Variants in TRMT44 observed in about 807,000 individuals in gnomAD.
TRMT44 encodes the protein probable tRNA (uracil-O(2)-)-methyltransferase.
Under a neutral mutation model 77.3 loss-of-function variants are expected in TRMT44, and 78 were observed. That is an observed-to-expected ratio of 1.01 (90% CI 0.84 to 1.22). The LOEUF is 1.22. Among genes scored for constraint, TRMT44 ranks in the 50% most tolerant of loss-of-function variants. The pLI is 0.00. For missense variants in TRMT44, 1,090 were observed against 964.4 expected (o/e 1.13, Z -1.73); for synonymous variants, 391 against 383.3 (o/e 1.02, Z -0.23).
the TRMT44 span, chr4:8,509,617 A>T: frequency 6.5e-6 from 1 of 152,762 alleles, no homozygotes; most frequent in African/African-American, 2.4e-5. Flanking sequence ...GTTTGTCCCC[A>T]TTTCGCAGAT....
Position 8,469,837 on chromosome 4 carries a change from C to T in TRMT44, c.1928-1247C>T, listed in dbSNP as rs185748983. 3.4e-3 allele frequency among the ~76,000 whole-genome samples: 523 copies of T among 152,376 alleles called. 5 individuals carry two copies. The highest frequency in any genetic ancestry group is 3.1e-3 in the East Asian group (16 of 5,182). Reference sequence around the variant, plus strand: ...TGGTCGCCCCCACCCAGCCTGTCCTCAGGCAGGCACCTCTGCGTTTCTGTG... The same window carrying T: ...TGGTCGCCCCCACCCAGCCTGTCCTTAGGCAGGCACCTCTGCGTTTCTGTG... On this transcript the variant is annotated intron_variant, in intron 9 of 10. Coordinates refer to ENST00000389737, the MANE Select transcript of TRMT44 (RefSeq NM_152544.3).
intron 6 of TRMT44, among the ~76,000 whole-genome samples, chr4:8,457,149 G>T (rs1184623645): frequency 6.6e-6 from 1 of 152,032 alleles, no homozygotes. Flanking sequence ...ATGCCAAAAA[G>T]GAGAGAAGTA....
At chr4:8,442,650 T>G (rs992964237) in intron 1 of TRMT44, among the ~76,000 whole-genome samples, 5 of 152,250 alleles carry the variant, frequency 3.3e-5, no homozygotes, top group African/African-American at 9.6e-5. Context: ...GAATCTGTTC[T>G]CAGGCTCATT....
At chr4:8,460,885 T>G (rs551707052) in intron 6 of TRMT44, among the ~76,000 whole-genome samples, 1 of 152,122 alleles carries the variant, frequency 6.6e-6, no homozygotes, top group Non-Finnish European at 1.5e-5. Flanking sequence ...GGTCTCAATC[T>G]GTTGCCCAGG....
rs1312785099 is a variant in TRMT44 at position 8,440,855 on chromosome 4, C to A, written c.33C>A (p.Tyr11Ter). MAEVGRTGISYPGALLPQGFW... is the reference protein window; with the variant it reads MAEVGRTGIS ...AGGTGGGCCGTACCGGGATCAGCTA[C>A]CCAGGCGCGCTTCTCCCACAGGGCT... The change falls in exon 1 of 11, where the codon TAC becomes TAA. Residue 11 changes from tyrosine to a stop codon, truncating the protein, a stop_gained. Transcript: ENST00000389737. LOFTEE classifies it high-confidence loss of function. 6.6e-7 allele frequency: 1 copy of A among 1,516,620 alleles called. No homozygotes were observed. Among genetic ancestry groups the A allele is most frequent in the Non-Finnish European group, 8.8e-7 (1 of 1,138,794 alleles). 93.9% of individuals were successfully genotyped at this position (1,516,620 alleles called of 1,614,324 possible).
intron 10 of TRMT44, among the ~76,000 whole-genome samples, chr4:8,474,814 G>C (rs529061505): frequency 1.6e-4 from 25 of 152,186 alleles, no homozygotes; most frequent in Non-Finnish European, 3.2e-4. Context: ...GGGAGCGTAG[G>C]GGGGTATCTC....
intron 2 of TRMT44, among the ~76,000 whole-genome samples, chr4:8,489,773 C>T (rs73223263): frequency 0.024 from 3,582 of 152,236 alleles, 73 homozygotes; most frequent in African/African-American, 0.053. Flanking sequence ...CCACCACACC[C>T]GGCCTAGGCT....
chr4:8,441,012 G>T lies in TRMT44; in HGVS notation c.190G>T (p.Gly64Cys), dbSNP rs919901636. The T allele has an allele frequency of 6.6e-7, 1 of 1,514,494 alleles. No homozygotes were observed. Among genetic ancestry groups the T allele is most frequent in the African/African-American group, 1.4e-5 (1 of 72,084 alleles). The allele number at this position is 1,514,494 out of a possible 1,614,324, so 93.8% of individuals were successfully genotyped here. Reference sequence around the variant, plus strand: ...GGCCCGCGGCCCCGGGACTAGCGCAGGCTCGGAGCAGAAGGAGCGGGGTCC... The same window carrying T: ...GGCCCGCGGCCCCGGGACTAGCGCATGCTCGGAGCAGAAGGAGCGGGGTCC... ...AEARGPGTSA[G>C]SEQKERGPGP... Residue 64 changes from glycine (G) to cysteine (C), a missense_variant, in exon 1 of 11, where the codon GGC becomes TGC. Physicochemically the swap from Gly to Cys is radical, Grantham distance 159 (BLOSUM62 -3). Coordinates refer to ENST00000389737, the MANE Select transcript of TRMT44 (RefSeq NM_152544.3).
intron 10 of TRMT44, among the ~76,000 whole-genome samples, chr4:8,472,602 C>T (rs949796367): frequency 6.6e-6 from 1 of 152,214 alleles, no homozygotes; most frequent in African/African-American, 2.4e-5. Flanking sequence ...CCTTTGTGTG[C>T]CTGCCTGCTC....
chr4:8,516,789 AACAAAAC>A, the TRMT44 span, among the ~76,000 whole-genome samples: 1 of 152,196 alleles, frequency 6.6e-6, no homozygotes, highest in Non-Finnish European at 1.5e-5. Flanking sequence ...AAAAACAAAA[AACAAAAC>A]AACAAAAACA....
chr4:8,460,518 G>A (rs1202616856), intron 6 of TRMT44, among the ~76,000 whole-genome samples: 4 of 151,874 alleles, frequency 2.6e-5, no homozygotes, highest in Non-Finnish European at 4.4e-5. Flanking sequence ...TCAAAAATAA[G>A]TAGAAAAATA....
chr4:8,463,837 GCTCTTCC>G, intron 6 of TRMT44, 141 bp from the exon 7 acceptor site: 1 of 638,316 alleles, frequency 1.6e-6, no homozygotes, highest in Non-Finnish European at 2.7e-6. Flanking sequence ...TGACTTCCCC[GCTCTTCC>G]CCGCTCTTGG....
At chr4:8,447,698 T>C (rs1725148638) in intron 2 of TRMT44, among the ~76,000 whole-genome samples, 1 of 152,198 alleles carries the variant, frequency 6.6e-6, no homozygotes, top group Non-Finnish European at 1.5e-5. Context: ...CCCTGTAGCA[T>C]GAAGCCCTTT....
chr4:8,449,639 T>G (rs1419551980), intron 2 of TRMT44, 30 bp from the exon 3 acceptor site: 2 of 1,439,572 alleles, frequency 1.4e-6, no homozygotes, highest in Non-Finnish European at 1.9e-6. Context: ...AACATATCTG[T>G]GCTTATTCAT....
downstream of TRMT44, among the ~76,000 whole-genome samples, chr4:8,494,997 G>A (rs993987028): frequency 6.6e-6 from 1 of 152,070 alleles, no homozygotes; most frequent in African/African-American, 2.4e-5. Context: ...GGTGAACGGT[G>A]TGCTTTCACC....
chr4:8,509,450 G>T, the TRMT44 span: 1 of 152,722 alleles, frequency 6.5e-6, no homozygotes, highest in Non-Finnish European at 1.5e-5. Flanking sequence ...TGCGATTGGA[G>T]GTGCTTCCTA....
the TRMT44 span, among the ~76,000 whole-genome samples, chr4:8,500,384 C>T: frequency 1.3e-5 from 2 of 149,152 alleles, no homozygotes; most frequent in East Asian, 2.0e-4. Flanking sequence ...CGCAGCTACT[C>T]AGGAGGCTGA....
chr4:8,484,489 T>A (rs1171805274), intron 2 of TRMT44, among the ~76,000 whole-genome samples: 2 of 152,208 alleles, frequency 1.3e-5, no homozygotes, highest in Non-Finnish European at 2.9e-5. Flanking sequence ...CAGCAGCAGC[T>A]GCTGCACAGA....
chr4:8,490,875 A>G (rs1310873584), intron 2 of TRMT44, among the ~76,000 whole-genome samples: 1 of 152,110 alleles, frequency 6.6e-6, no homozygotes, highest in Non-Finnish European at 1.5e-5. Context: ...TGCGTTTACA[A>G]TCCCTGAGCT....
Sources: gnomAD v4.1 joint callset for allele counts (sites outside exome capture counted in the v4.1 genomes callset) on GRCh38, gnomAD v4.1.1 for gene constraint, MANE v1.5 for transcripts, NCBI Gene and HGNC (gene_info 2026-07-23, HGNC 2026-07-21) for gene names.